Variants in SNED1 observed in about 807,000 individuals in gnomAD.
SNED1 encodes sushi, nidogen and EGF like domains 1.
Under a neutral mutation model 166.7 loss-of-function variants are expected in SNED1, and 81 were observed. That is an observed-to-expected ratio of 0.49 (90% CI 0.41 to 0.58). The LOEUF is 0.58. SNED1 is among the 20% of genes least tolerant of loss of function. SNED1 has a pLI of 0.00. For missense variants in SNED1, 1,604 were observed against 2,000.2 expected (o/e 0.80, Z 3.78); for synonymous variants, 762 against 822.0 (o/e 0.93, Z 1.25).
intron 1 of SNED1, among the ~76,000 whole-genome samples, chr2:241,020,615 A>C (rs377010117): frequency 4.6e-5 from 7 of 152,260 alleles, no homozygotes; most frequent in African/African-American, 1.7e-4. Flanking sequence ...TATGTGATCA[A>C]GTTTAAAACC....
chr2:241,028,311 T>G (rs2061048763), intron 1 of SNED1, among the ~76,000 whole-genome samples: 1 of 152,224 alleles, frequency 6.6e-6, no homozygotes. Context: ...GATTTGTCTG[T>G]TTTTTCTTTT....
In SNED1 at chr2:241,027,844, C is replaced by T. The variant is rs995548276; in HGVS notation, c.214-2440C>T. Among the ~76,000 whole-genome samples the T allele has an allele frequency of 2.0e-5, 3 of 151,868 alleles. 1 individual carries two copies. The highest frequency in any genetic ancestry group is 7.3e-5 in the African/African-American group (3 of 41,296). ...CGCCTCCCGGGTTCACGCCATTCTC[C>T]TGCCTCAGCCTCCTGAGTAGCTGGG... On this transcript the variant is annotated intron_variant, in intron 1 of 31. Transcript: ENST00000310397.
chr2:241,094,418 T>C lies in SNED1; in HGVS notation c.*2782T>C. ...AAAGTCTTTTTCTTTGCAGTCACGCTGTAAGACGAGGCTGCTGGAGAAAAC... is the reference window on the plus strand; with the variant it reads ...AAAGTCTTTTTCTTTGCAGTCACGCCGTAAGACGAGGCTGCTGGAGAAAAC... On this transcript the variant is annotated 3_prime_UTR_variant, in exon 32 of 32. Coordinates refer to ENST00000310397, the MANE Select transcript of SNED1 (RefSeq NM_001080437.3). This position sits in a 1 kb window ranked among gnomAD's most constrained non-coding sequence, Gnocchi z 4.3. The C allele has an allele frequency of 2.1e-6, 1 of 471,306 alleles. No homozygotes were observed. The highest frequency in any genetic ancestry group is 3.3e-4 in the Middle Eastern group (1 of 3,058). 29.2% of individuals were successfully genotyped at this position (471,306 alleles called of 1,614,324 possible).
At chr2:241,002,144 C>G (rs1466592888) in intron 1 of SNED1, among the ~76,000 whole-genome samples, 1 of 152,138 alleles carries the variant, frequency 6.6e-6, no homozygotes. Flanking sequence ...CTCTGTCTCC[C>G]CATCTGTGTG....
At chr2:241,001,257 G>A (rs2060070191) in intron 1 of SNED1, among the ~76,000 whole-genome samples, 1 of 152,236 alleles carries the variant, frequency 6.6e-6, no homozygotes, top group Admixed American at 6.5e-5. Flanking sequence ...ATGAATGAAT[G>A]TGCCTCCCTC....
At chr2:241,046,924 C>G (rs535383969) in intron 8 of SNED1, among the ~76,000 whole-genome samples, 18 of 152,226 alleles carry the variant, frequency 1.2e-4, no homozygotes, top group Admixed American at 2.0e-4. Context: ...GCAGGCGGAT[C>G]ACGAGGTCAG....
At position 241,064,170 on chromosome 2, in the gene SNED1, T is replaced by C. The variant is rs777792808; in HGVS notation, c.2599+45T>C. ...TGCTCCCCGCCCTCTGCCCGCCTGC[T>C]CCCCGCCCTCTGCCCGCCTGCTGCC... On this transcript the variant is annotated intron_variant, in intron 19 of 31. Transcript: ENST00000310397. The surrounding 1 kb of genome is among the most constrained non-coding windows in gnomAD (Gnocchi z 7.0). The C allele has an allele frequency of 7.5e-7, 1 of 1,339,722 alleles. No homozygotes were observed. 83.0% of individuals were successfully genotyped at this position (1,339,722 alleles called of 1,614,324 possible).
At chr2:241,011,671 C>T (rs2060408832) in intron 1 of SNED1, among the ~76,000 whole-genome samples, 1 of 152,182 alleles carries the variant, frequency 6.6e-6, no homozygotes, top group Non-Finnish European at 1.5e-5. Flanking sequence ...TGGGAAGTAG[C>T]GTTTTCCCAG....
intron 28 of SNED1, among the ~76,000 whole-genome samples, chr2:241,082,059 A>G (rs2063353723): frequency 6.6e-6 from 1 of 152,184 alleles, no homozygotes; most frequent in South Asian, 2.1e-4. Flanking sequence ...ACCCAGCCAG[A>G]GCGGTGTCAG....
intron 1 of SNED1, among the ~76,000 whole-genome samples, chr2:241,005,591 C>T (rs560633887): frequency 6.6e-6 from 1 of 152,176 alleles, no homozygotes; most frequent in African/African-American, 2.4e-5. Flanking sequence ...CATAAATTAT[C>T]ACTGTTTTTT....
chr2:241,065,191 C>T (rs1559286377), intron 20 of SNED1, 108 bp from the exon 21 acceptor site: 7 of 1,155,908 alleles, frequency 6.1e-6, no homozygotes, highest in East Asian at 2.5e-5. Flanking sequence ...CCAGCGATGG[C>T]TGTGTCAGGC....
In SNED1 at chr2:241,094,233, T is replaced by C. The variant is rs1364732308; in HGVS notation, c.*2597T>C. 2 of 461,440 alleles carry C rather than the reference T, an allele frequency of 4.3e-6. No homozygotes were observed. Among genetic ancestry groups the C allele is most frequent in the Non-Finnish European group, 9.0e-6 (2 of 223,042 alleles). The allele number at this position is 461,440 out of a possible 1,614,324, so 28.6% of individuals were successfully genotyped here. ...CTTTGCTGTGCCCACTGTCCTCCAGTAGAGAACCCAACAGGCAAGGGCCCC... is the reference window on the plus strand; with the variant it reads ...CTTTGCTGTGCCCACTGTCCTCCAGCAGAGAACCCAACAGGCAAGGGCCCC... On this transcript the variant is annotated 3_prime_UTR_variant, in exon 32 of 32. Transcript: ENST00000310397. This position sits in a 1 kb window ranked among gnomAD's most constrained non-coding sequence, Gnocchi z 4.3.
rs761182398 is a variant in SNED1, at chr2:241,040,367, C to T, written c.1227C>T (p.Tyr409=). The change falls in exon 8 of 32, where the codon TAC becomes TAT. Residue 409 remains tyrosine, a synonymous_variant. Coordinates refer to ENST00000310397, the MANE Select transcript of SNED1 (RefSeq NM_001080437.3). ...GGSCVDLVGN[Y]TCLCAEPFKG... The stretch of plus-strand genomic sequence containing the variant: ...CTTGTGTTGACCTAGTGGGGAATTA[C>T]ACCTGCTTGTGTGCCGAGCCCTTCA... The T allele has an allele frequency of 6.2e-7, 1 of 1,608,582 alleles. No individual in the cohort carries two copies. Among genetic ancestry groups the T allele is most frequent in the Non-Finnish European group, 8.5e-7 (1 of 1,177,562 alleles).
chr2:241,033,910 C>A (rs758402813), intron 3 of SNED1, 35 bp downstream of exon 3: 1 of 1,557,896 alleles, frequency 6.4e-7, no homozygotes, highest in Non-Finnish European at 8.7e-7. Context: ...GTGTTCAGAA[C>A]CCCTGCTCCC....
chr2:241,008,372 C>T (rs577037978), intron 1 of SNED1, among the ~76,000 whole-genome samples: 3 of 152,232 alleles, frequency 2.0e-5, no homozygotes, highest in East Asian at 1.9e-4. Context: ...CTATTCACCA[C>T]GAAGGGGTGG....
chr2:241,037,423 G>A (rs1181258516), intron 6 of SNED1, 70 bp downstream of exon 6: 3 of 1,095,192 alleles, frequency 2.7e-6, no homozygotes, highest in Non-Finnish European at 2.7e-6. Context: ...AGCTGGACAA[G>A]GCTGAGGTCT....
rs1309848316 is a variant in SNED1, at chr2:241,089,292, C to A, written c.*1+890C>A. 1.7e-5 allele frequency: 27 copies of A among 1,548,964 alleles called. No homozygotes were observed. The Admixed American group carries it at 5.1e-4, about 29-fold the overall frequency. On this transcript the variant is annotated intron_variant, in intron 31 of 31. Coordinates refer to ENST00000310397, the MANE Select transcript of SNED1 (RefSeq NM_001080437.3). ...TATAGGAGCCCTCACAGTTCATCTT[C>A]CTGGTGGCGCAGATGAGTGAGGCAC...
rs539015145 is a variant in SNED1 at position 241,091,951 on chromosome 2, G to A, written c.*315G>A. 2.6e-5 allele frequency: 4 copies of A among 152,382 alleles called. No individual in the cohort carries two copies. The highest frequency in any genetic ancestry group is 2.1e-4 in the South Asian group (1 of 4,830). 9.4% of individuals were successfully genotyped at this position (152,382 alleles called of 1,614,324 possible). A position where few individuals can be genotyped will look rare whatever the true frequency, so the allele number is the denominator to read the frequency against. ...GTCTCTGCGGATGAGATGACAGCTC[G>A]CCATTCCCCGGAATCAGTGAGGCTG... On this transcript the variant is annotated 3_prime_UTR_variant, in exon 32 of 32. Transcript: ENST00000310397. This position sits in a 1 kb window ranked among gnomAD's most constrained non-coding sequence, Gnocchi z 4.1.
chr2:241,095,073 C>CG lies in SNED1; in HGVS notation c.*3437_*3438insG, dbSNP rs1191669565. 1 of 138,258 alleles carries CG rather than the reference C, an allele frequency of 7.2e-6. No homozygotes were observed. Among genetic ancestry groups the CG allele is most frequent in the Non-Finnish European group, 1.6e-5 (1 of 62,438 alleles). 8.6% of individuals were successfully genotyped at this position (138,258 alleles called of 1,614,324 possible). A position where few individuals can be genotyped will look rare whatever the true frequency, so the allele number is the denominator to read the frequency against. On this transcript the variant is annotated 3_prime_UTR_variant, in exon 32 of 32. Coordinates refer to ENST00000310397, the MANE Select transcript of SNED1 (RefSeq NM_001080437.3). ...CTAAGGTGACACGCCCCCCCCCCCC[C>CG]CCACACCCACCTTGGGGGGTCACGG...
Sources: allele counts gnomAD v4.1 joint callset (sites outside exome capture counted in the v4.1 genomes callset), GRCh38; gene constraint gnomAD v4.1.1; non-coding constraint Gnocchi (gnomAD v3.1); transcripts MANE v1.5; gene names NCBI Gene and HGNC (gene_info 2026-07-23, HGNC 2026-07-21).